Variants in DNM3 observed in about 807,000 individuals in gnomAD.
The protein encoded by DNM3 is dynamin-3.
DNM3 carries 47 observed loss-of-function variants against 101.6 expected under a neutral mutation model. That is an observed-to-expected ratio of 0.46 (90% confidence interval 0.37 to 0.59). The LOEUF (loss-of-function observed/expected upper bound fraction) is 0.59, where lower values mean the gene tolerates loss of function less well. Among genes scored for constraint, DNM3 ranks in the 20% least tolerant of loss-of-function variants. The pLI is 0.00. For missense variants in DNM3, 849 were observed against 1,085.7 expected, an observed-to-expected ratio of 0.78 and a Z score of 3.06; for synonymous variants, 385 against 387.9, an observed-to-expected ratio of 0.99 and a Z score of 0.09.
intron 1 of DNM3, among the ~76,000 whole-genome samples, chr1:171,886,176 T>C (rs564305135): frequency 1.3e-5 from 2 of 152,328 alleles, no homozygotes; most frequent in African/African-American, 4.8e-5. Flanking sequence ...TGTAAATACA[T>C]GGTAAAGGCG....
intron 17 of DNM3, among the ~76,000 whole-genome samples, chr1:172,350,973 C>G (rs1280120930): frequency 6.6e-6 from 1 of 152,176 alleles, no homozygotes; most frequent in Non-Finnish European, 1.5e-5. Flanking sequence ...GGCTGAAATT[C>G]ATTTGCATCC....
intron 14 of DNM3, among the ~76,000 whole-genome samples, chr1:172,179,646 T>C (rs1276503231): frequency 6.6e-6 from 1 of 151,738 alleles, no homozygotes; most frequent in Non-Finnish European, 1.5e-5. Context: ...TGCCGGATCA[T>C]TTCTGCTTGG....
rs540462449 is a variant in DNM3, at chr1:172,113,561, G to A, written c.1546-17614G>A. Among the ~76,000 whole-genome samples, 76 of 148,054 alleles carry A rather than the reference G, an allele frequency of 5.1e-4. 2 individuals carry two copies. Among genetic ancestry groups the A allele is most frequent in the Middle Eastern group, 3.5e-3 (1 of 286 alleles). The stretch of plus-strand genomic sequence containing the variant: ...CTTGAACCTGGGGGGCGGAGGTTGC[G>A]GTGAGCTGAGATTGCACCATTGCAC... On this transcript the variant is annotated intron_variant, in intron 13 of 20. Coordinates refer to ENST00000627582, the MANE Select transcript of DNM3 (RefSeq NM_015569.5).
At chr1:172,075,464 T>C (rs1413915863) in intron 11 of DNM3, among the ~76,000 whole-genome samples, 2 of 152,246 alleles carry the variant, frequency 1.3e-5, no homozygotes, top group East Asian at 3.8e-4. Flanking sequence ...TTTAAGTCTT[T>C]AATCCATCCT....
chr1:172,373,381 G>GA (rs1291297821), intron 17 of DNM3, among the ~76,000 whole-genome samples: 1 of 151,888 alleles, frequency 6.6e-6, no homozygotes. Context: ...ATAGTCTAAG[G>GA]AAAAAAGCTT....
intron 14 of DNM3, among the ~76,000 whole-genome samples, chr1:172,149,678 G>C (rs1252206259): frequency 2.0e-5 from 3 of 152,104 alleles, no homozygotes; most frequent in Non-Finnish European, 4.4e-5. Flanking sequence ...GTGTCCTCAG[G>C]TCACTGACAA....
chr1:171,965,799 T>C (rs1324571376), intron 2 of DNM3, among the ~76,000 whole-genome samples: 3 of 152,128 alleles, frequency 2.0e-5, no homozygotes, highest in East Asian at 1.9e-4. Context: ...TCATTGGCCA[T>C]TGGTGATCTA....
intron 1 of DNM3, among the ~76,000 whole-genome samples, chr1:171,893,576 C>G (rs1042223128): frequency 5.3e-5 from 8 of 152,014 alleles, no homozygotes; most frequent in Admixed American, 3.3e-4. Context: ...ACCTCAGCCT[C>G]CCAAATAACT....
chr1:172,268,571 G>A (rs1413473122), intron 15 of DNM3, among the ~76,000 whole-genome samples: 2 of 152,128 alleles, frequency 1.3e-5, no homozygotes, highest in East Asian at 1.9e-4. Context: ...GGATGGATTG[G>A]AGAACCAAAA....
At chr1:172,371,442 T>G (rs2068316211) in intron 17 of DNM3, among the ~76,000 whole-genome samples, 1 of 152,052 alleles carries the variant, frequency 6.6e-6, no homozygotes, top group Non-Finnish European at 1.5e-5. Context: ...ATATAAATAT[T>G]GTAAACTGAG....
intron 14 of DNM3, among the ~76,000 whole-genome samples, chr1:172,226,460 T>C (rs934933667): frequency 5.9e-5 from 9 of 152,322 alleles, no homozygotes; most frequent in African/African-American, 2.2e-4. Flanking sequence ...ACTAGCTCTT[T>C]TCTTTTTTGG....
intron 4 of DNM3, among the ~76,000 whole-genome samples, chr1:172,016,990 T>C (rs1204930895): frequency 6.6e-6 from 1 of 152,176 alleles, no homozygotes; most frequent in African/African-American, 2.4e-5. Flanking sequence ...CTCCTGGGAA[T>C]TGGTCCATTG....
At chr1:172,157,049 C>A (rs2058365771) in intron 14 of DNM3, among the ~76,000 whole-genome samples, 1 of 152,010 alleles carries the variant, frequency 6.6e-6, no homozygotes, top group Non-Finnish European at 1.5e-5. Context: ...TGGGATGATT[C>A]AAGTGCATTA....
chr1:172,042,941 G>A (rs568294505), intron 8 of DNM3, among the ~76,000 whole-genome samples: 86 of 152,244 alleles, frequency 5.6e-4, no homozygotes, highest in Non-Finnish European at 9.3e-4. Context: ...AGAGAGTGAG[G>A]AGAACAGTAG....
chr1:172,128,546 A>G (rs1421507311), intron 13 of DNM3, among the ~76,000 whole-genome samples: 4 of 152,248 alleles, frequency 2.6e-5, no homozygotes, highest in Non-Finnish European at 4.4e-5. Context: ...AATTTTTACA[A>G]TGAATTTTAT....
chr1:171,993,523 G>A (rs145567711), intron 4 of DNM3, among the ~76,000 whole-genome samples: 611 of 58,972 alleles, frequency 0.01, 7 homozygotes, highest in African/African-American at 0.056. Context: ...TTGTCTTTTG[G>A]CAGTTTGATT....
intron 7 of DNM3, among the ~76,000 whole-genome samples, chr1:172,041,457 A>G (rs1184982510): frequency 6.6e-6 from 1 of 152,196 alleles, no homozygotes; most frequent in Non-Finnish European, 1.5e-5. Context: ...GGAAATAAAC[A>G]TCCAGTACAG....
chr1:172,022,193 G>T (rs1021261992), intron 4 of DNM3, among the ~76,000 whole-genome samples: 2 of 152,022 alleles, frequency 1.3e-5, no homozygotes, highest in African/African-American at 4.8e-5. Context: ...CTCCTCATCT[G>T]TATGCTTGAG....
At chr1:172,335,184 T>C (rs2066364842) in intron 17 of DNM3, among the ~76,000 whole-genome samples, 1 of 152,292 alleles carries the variant, frequency 6.6e-6, no homozygotes, top group Middle Eastern at 3.4e-3. Flanking sequence ...TTTTTTAAAG[T>C]CACTTTTATA....
Sources: allele counts gnomAD v4.1 joint callset (sites outside exome capture counted in the v4.1 genomes callset), GRCh38; gene constraint gnomAD v4.1.1; transcripts MANE v1.5; gene names NCBI Gene and HGNC (gene_info 2026-07-23, HGNC 2026-07-21).